SOX5: variants seen among roughly 807,000 people sequenced by gnomAD.
SOX5 encodes SRY-box transcription factor 5, also known as transcription factor SOX-5.
SOX5 carries 9 observed loss-of-function variants against 92.0 expected under a neutral mutation model. The observed-to-expected ratio is 0.10, with a 90% CI of 0.06 to 0.17. The LOEUF (loss-of-function observed/expected upper bound fraction) is 0.17, where lower values mean the gene tolerates loss of function less well. Among genes scored for constraint, SOX5 ranks in the 10% least tolerant of loss-of-function variants. The probability of loss-of-function intolerance (pLI) is 1.00; values close to 1 mark genes in which losing one functional copy is unlikely to be tolerated. For missense variants in SOX5, 642 were observed against 944.5 expected (o/e 0.68, Z 4.20); for synonymous variants, 344 against 336.3 (o/e 1.02, Z -0.25).
intron 4 of SOX5, among the ~76,000 whole-genome samples, chr12:24,116,727 T>A (rs1408486791): frequency 6.6e-6 from 1 of 152,142 alleles, no homozygotes; most frequent in African/African-American, 2.4e-5. Context: ...GAAATGTAAA[T>A]GCTTGTGTTT....
chr12:24,019,411 A>G (rs1384165835), intron 4 of SOX5, among the ~76,000 whole-genome samples: 2 of 152,230 alleles, frequency 1.3e-5, no homozygotes, highest in Non-Finnish European at 2.9e-5. Flanking sequence ...CTGGGATTGG[A>G]AATGAATTAC....
intron 4 of SOX5, among the ~76,000 whole-genome samples, chr12:24,037,532 G>GATC (rs1732783237): frequency 1.3e-5 from 2 of 152,130 alleles, no homozygotes; most frequent in Non-Finnish European, 2.9e-5. Flanking sequence ...TTCCACATAT[G>GATC]ATCATGGTTG....
chr12:24,142,296 T>G (rs965456870), intron 4 of SOX5, among the ~76,000 whole-genome samples: 3 of 152,116 alleles, frequency 2.0e-5, no homozygotes, highest in Non-Finnish European at 4.4e-5. Context: ...AAATTGGAGA[T>G]AAGTGTAACA....
chr12:23,643,583 G>A (rs2080416466), intron 7 of SOX5, among the ~76,000 whole-genome samples: 1 of 152,144 alleles, frequency 6.6e-6, no homozygotes, highest in Admixed American at 6.5e-5. Context: ...CCAAAAATTT[G>A]GACTGTGGGA....
intron 3 of SOX5, among the ~76,000 whole-genome samples, chr12:23,841,708 A>G (rs1399458618): frequency 6.6e-6 from 1 of 152,136 alleles, no homozygotes; most frequent in African/African-American, 2.4e-5. Context: ...CCCATGCTGT[A>G]TTATTCTGAT....
intron 3 of SOX5, among the ~76,000 whole-genome samples, chr12:23,790,912 A>G (rs2095464513): frequency 6.6e-6 from 1 of 152,206 alleles, no homozygotes; most frequent in Non-Finnish European, 1.5e-5. Context: ...TAAAACTGAG[A>G]AAATGTTGCC....
intron 4 of SOX5, among the ~76,000 whole-genome samples, chr12:24,052,211 T>A (rs1957631927): frequency 6.6e-6 from 1 of 152,090 alleles, no homozygotes; most frequent in Non-Finnish European, 1.5e-5. Context: ...AGAATAGGAA[T>A]CAAACTTAAA....
intron 4 of SOX5, among the ~76,000 whole-genome samples, chr12:24,123,522 G>A (rs1391384139): frequency 6.6e-6 from 1 of 152,080 alleles, no homozygotes; most frequent in South Asian, 2.1e-4. Flanking sequence ...TTACTTACAG[G>A]CCATTTTTCA....
chr12:24,357,840 CAAAAA>C (rs566913275), intron 2 of SOX5, among the ~76,000 whole-genome samples: 1 of 105,302 alleles, frequency 9.5e-6, no homozygotes, highest in East Asian at 2.9e-4. Flanking sequence ...GACTCCATCT[CAAAAA>C]AAAAAAAAAG....
intron 2 of SOX5, among the ~76,000 whole-genome samples, chr12:23,872,985 T>C (rs1471021235): frequency 6.6e-6 from 1 of 152,208 alleles, no homozygotes; most frequent in African/African-American, 2.4e-5. Context: ...AAAATGACCA[T>C]TGTTCTCAAA....
chr12:23,784,662 C>G (rs950549491), intron 3 of SOX5, among the ~76,000 whole-genome samples: 1 of 152,068 alleles, frequency 6.6e-6, no homozygotes, highest in African/African-American at 2.4e-5. Context: ...TACATAAAAA[C>G]CAAAATAAAA....
Position 23,534,515 on chromosome 12 carries a change from C to T in SOX5, c.1996G>A (p.Ala666Thr), listed in dbSNP as rs775643855. The change falls in exon 15 of 15, where the codon GCA (alanine) becomes ACA (threonine). Residue 666 changes from alanine to threonine, a missense_variant. This residue lies in a region of SOX5 where 130 missense variants were observed against 140.6 expected (regional missense o/e 0.92). Coordinates refer to ENST00000451604, the MANE Select transcript of SOX5 (RefSeq NM_006940.6). ...CCAGCAGTGGCAATGGGGATCTGTG[C>T]TTGTTGCCTGTCAAGAAAGGAATTT... ...MRQYFNVGQQ[A>T]QIPIATAGVV... is the part of the protein sequence containing the mutation. The T allele has an allele frequency of 6.2e-7, 1 of 1,608,412 alleles. No homozygotes were observed. Among genetic ancestry groups the T allele is most frequent in the Admixed American group, 1.7e-5 (1 of 59,814 alleles).
At chr12:24,495,799 A>G (rs1947570195) in intron 1 of SOX5, among the ~76,000 whole-genome samples, 1 of 152,204 alleles carries the variant, frequency 6.6e-6, no homozygotes, top group Non-Finnish European at 1.5e-5. Flanking sequence ...CAAAAGAACC[A>G]CAAGGATGGG....
At chr12:23,776,393 G>A (rs903244336) in intron 3 of SOX5, among the ~76,000 whole-genome samples, 1 of 152,194 alleles carries the variant, frequency 6.6e-6, no homozygotes, top group Non-Finnish European at 1.5e-5. Context: ...AGAAGGATAT[G>A]ACTGAGGAAG....
intron 3 of SOX5, chr12:24,223,428 T>C (rs563282777): frequency 2.0e-4 from 30 of 152,266 alleles, no homozygotes; most frequent in African/African-American, 7.2e-4. Context: ...ATATTCCCCA[T>C]GATTAGATAC....
intron 4 of SOX5, among the ~76,000 whole-genome samples, chr12:24,200,559 G>C (rs1007121548): frequency 6.6e-6 from 1 of 151,876 alleles, no homozygotes. Flanking sequence ...GACAACATTT[G>C]GGTGTCTGTG....
intron 4 of SOX5, among the ~76,000 whole-genome samples, chr12:23,973,307 C>G (rs1389725889): frequency 6.6e-6 from 1 of 151,696 alleles, no homozygotes; most frequent in Non-Finnish European, 1.5e-5. Flanking sequence ...ACTACAGGCA[C>G]GCACCACCAT....
At chr12:23,666,460 C>G (rs2083824556) in intron 6 of SOX5, among the ~76,000 whole-genome samples, 1 of 152,122 alleles carries the variant, frequency 6.6e-6, no homozygotes, top group Admixed American at 6.6e-5. Flanking sequence ...ATTTCTGCAG[C>G]CTTGTCACAT....
Position 23,605,160 on chromosome 12 carries a change from C to T in SOX5, c.1018-627G>A, listed in dbSNP as rs182670633. Reference sequence around the variant, plus strand: ...ACAGACAAATCTCAAATTATCTTGACGACTAAGGTTTTAAAGAATACTGCC... The same window carrying T: ...ACAGACAAATCTCAAATTATCTTGATGACTAAGGTTTTAAAGAATACTGCC... On this transcript the variant is annotated intron_variant, in intron 8 of 14. Coordinates refer to ENST00000451604, the MANE Select transcript of SOX5 (RefSeq NM_006940.6). Among the ~76,000 whole-genome samples, 509 of 152,130 alleles carry T rather than the reference C, an allele frequency of 3.3e-3. 4 individuals are homozygous for T. The highest frequency in any genetic ancestry group is 0.011 in the African/African-American group (464 of 41,538).
Sources: allele counts gnomAD v4.1 joint callset (sites outside exome capture counted in the v4.1 genomes callset), GRCh38; gene constraint gnomAD v4.1.1; regional missense constraint gnomAD v4.1.1; transcripts MANE v1.5; gene names NCBI Gene and HGNC (gene_info 2026-07-23, HGNC 2026-07-21).